Variants in MYO5B observed in about 807,000 individuals in gnomAD.
MYO5B encodes the protein myosin VB, also known as unconventional myosin-Vb.
Under a neutral mutation model 229.3 loss-of-function variants are expected in MYO5B, and 143 were observed. The ratio of observed to expected loss-of-function variants is 0.62; its 90% confidence interval spans 0.54 to 0.72. MYO5B has a LOEUF of 0.72. Ranked by LOEUF, MYO5B falls within the 30% of genes least tolerant of loss-of-function variation. MYO5B has a pLI of 0.00. For synonymous variants in MYO5B, 918 were observed against 885.2 expected (o/e 1.04, Z -0.66); for missense variants, 2,321 against 2,331.0 (o/e 1.00, Z 0.09).
At chr18:49,841,257 C>G (rs1414070620) in intron 35 of MYO5B, 108 bp downstream of exon 35, 1 of 1,051,524 alleles carries the variant, frequency 9.5e-7, no homozygotes, top group Non-Finnish European at 1.5e-6. Context: ...TCTGAGGTCC[C>G]CAAGGGTGCT....
chr18:49,931,603 C>G (rs906593746), intron 16 of MYO5B, among the ~76,000 whole-genome samples: 1 of 152,214 alleles, frequency 6.6e-6, no homozygotes, highest in African/African-American at 2.4e-5. Context: ...TGCTCACCCT[C>G]TCACTCCAAT....
At chr18:49,980,230 A>C (rs1381459607) in intron 9 of MYO5B, among the ~76,000 whole-genome samples, 1 of 152,238 alleles carries the variant, frequency 6.6e-6, no homozygotes, top group African/African-American at 2.4e-5. Flanking sequence ...TCAAATAGCC[A>C]CTACATTCCC....
intron 1 of MYO5B, among the ~76,000 whole-genome samples, chr18:50,069,765 AC>A (rs1382208166): frequency 6.6e-6 from 1 of 152,156 alleles, no homozygotes; most frequent in African/African-American, 2.4e-5. Context: ...CCTAAAAAAA[AC>A]TGAACCCAGA....
chr18:50,097,391 A>G (rs538373095), intron 1 of MYO5B: 37 of 411,254 alleles, frequency 9.0e-5, no homozygotes, highest in Admixed American at 2.3e-4. Context: ...GTCCATCAAA[A>G]GTCCTCAATA....
At chr18:50,152,534 T>C (rs2032614766) in intron 1 of MYO5B, among the ~76,000 whole-genome samples, 1 of 152,000 alleles carries the variant, frequency 6.6e-6, no homozygotes, top group Admixed American at 6.6e-5. Flanking sequence ...CAGAAGAGAG[T>C]TTGAAAAGCA....
intron 1 of MYO5B, among the ~76,000 whole-genome samples, chr18:50,175,529 ATTTTTTTAGGTTT>A (rs2032983223): frequency 6.6e-6 from 1 of 152,192 alleles, no homozygotes; most frequent in Non-Finnish European, 1.5e-5. Flanking sequence ...AAACCATCAA[ATTTTTTTAGGTTT>A]ATTTTTATGG....
chr18:50,081,276 T>C (rs1326272127), intron 1 of MYO5B, among the ~76,000 whole-genome samples: 1 of 152,200 alleles, frequency 6.6e-6, no homozygotes, highest in African/African-American at 2.4e-5. Flanking sequence ...AAAGATGACC[T>C]GTTCCCAGAG....
At chr18:49,867,519 C>T (rs1040344766) in intron 27 of MYO5B, among the ~76,000 whole-genome samples, 2 of 152,070 alleles carry the variant, frequency 1.3e-5, no homozygotes, top group East Asian at 1.9e-4. Flanking sequence ...CGCATGCTTC[C>T]GATTTCCTGT....
chr18:50,144,455 C>G (rs2032468026), intron 1 of MYO5B, among the ~76,000 whole-genome samples: 1 of 152,108 alleles, frequency 6.6e-6, no homozygotes. Flanking sequence ...AGGGTTCTGG[C>G]AGAGAACTTT....
chr18:49,881,528 C>T (rs1217313938), intron 22 of MYO5B, among the ~76,000 whole-genome samples: 2 of 152,132 alleles, frequency 1.3e-5, no homozygotes, highest in African/African-American at 2.4e-5. Flanking sequence ...AGAGGCCAGG[C>T]GCAGTGGCTC....
At chr18:49,992,494 T>C (rs2025944741) in intron 5 of MYO5B, 63 bp from the exon 6 acceptor site, 2 of 1,611,068 alleles carry the variant, frequency 1.2e-6, no homozygotes, top group South Asian at 1.1e-5. Flanking sequence ...TTCAGGATTG[T>C]ATGTTTGTGG....
At position 49,910,090 on chromosome 18, in the gene MYO5B, T is replaced by C. The variant is rs868179489; in HGVS notation, c.2202+1972A>G. ...GGGAAGCAGGAGGGAGAAGCTGCAC[T>C]GAAGCCGAGCACTGAGAAGCAGGCA... On this transcript the variant is annotated intron_variant, in intron 18 of 39. Coordinates refer to ENST00000285039, the MANE Select transcript of MYO5B (RefSeq NM_001080467.3). Among the ~76,000 whole-genome samples, 5 of 152,316 alleles carry C rather than the reference T, an allele frequency of 3.3e-5. No homozygotes were observed. In the Middle Eastern group the frequency reaches 0.01, roughly 311 times the overall value.
chr18:49,979,389 C>G (rs1236648633), intron 9 of MYO5B, among the ~76,000 whole-genome samples: 1 of 152,184 alleles, frequency 6.6e-6, no homozygotes, highest in Non-Finnish European at 1.5e-5. Flanking sequence ...CCCAGGGGCC[C>G]TCTCAAACCC....
intron 7 of MYO5B, among the ~76,000 whole-genome samples, chr18:49,990,088 T>C (rs1376211611): frequency 6.6e-6 from 1 of 152,228 alleles, no homozygotes; most frequent in Non-Finnish European, 1.5e-5. Context: ...ATGATGTATA[T>C]TACTTTTATC....
intron 26 of MYO5B, among the ~76,000 whole-genome samples, chr18:49,874,358 T>A (rs1452643225): frequency 1.3e-5 from 2 of 152,226 alleles, no homozygotes; most frequent in African/African-American, 4.8e-5. Flanking sequence ...GGCCAAGAAC[T>A]TGTACATCAG....
chr18:50,088,680 A>G (rs2031382774), intron 1 of MYO5B, among the ~76,000 whole-genome samples: 1 of 152,268 alleles, frequency 6.6e-6, no homozygotes, highest in Admixed American at 6.5e-5. Flanking sequence ...ATGTATAAGC[A>G]CATGGCCATT....
At chr18:49,963,831 A>G (rs2025591098) in intron 10 of MYO5B, among the ~76,000 whole-genome samples, 1 of 152,182 alleles carries the variant, frequency 6.6e-6, no homozygotes, top group Non-Finnish European at 1.5e-5. Context: ...CACTGTATAG[A>G]TCAGGGCCGT....
At chr18:49,886,176 G>C (rs1250291878) in intron 22 of MYO5B, among the ~76,000 whole-genome samples, 1 of 152,216 alleles carries the variant, frequency 6.6e-6, no homozygotes, top group Non-Finnish European at 1.5e-5. Context: ...TTGGGCTCAA[G>C]TGATTTGCCC....
chr18:49,886,627 AATTT>A (rs1221708172), intron 22 of MYO5B, among the ~76,000 whole-genome samples: 2 of 79,972 alleles, frequency 2.5e-5, no homozygotes, highest in African/African-American at 1.1e-4. Flanking sequence ...ATTCTTTGGC[AATTT>A]ATTTTGCCAA....
Sources: gnomAD v4.1 joint callset for allele counts (sites outside exome capture counted in the v4.1 genomes callset) on GRCh38, gnomAD v4.1.1 for gene constraint, MANE v1.5 for transcripts, NCBI Gene and HGNC (gene_info 2026-07-23, HGNC 2026-07-21) for gene names.